Variants in CECR2 observed in about 807,000 individuals in gnomAD.
CECR2 encodes the protein CECR2 histone acetyl-lysine reader, also known as chromatin remodeling regulator CECR2.
A neutral mutation model predicts 154.5 loss-of-function variants in CECR2; 30 were observed. That is an observed-to-expected ratio of 0.19 (90% CI 0.15 to 0.26). The LOEUF (loss-of-function observed/expected upper bound fraction) is 0.26, where lower values mean the gene tolerates loss of function less well. Among genes scored for constraint, CECR2 ranks in the 10% least tolerant of loss-of-function variants. The probability of loss-of-function intolerance (pLI) is 1.00; values close to 1 mark genes in which losing one functional copy is unlikely to be tolerated. For synonymous variants in CECR2, 725 were observed against 683.7 expected (o/e 1.06, Z -0.94); for missense variants, 1,743 against 1,829.3 (o/e 0.95, Z 0.86).
At chr22:17,540,219 G>C (rs1018462178) in intron 13 of CECR2, among the ~76,000 whole-genome samples, 193 bp from the exon 14 acceptor site, 2 of 151,230 alleles carry the variant, frequency 1.3e-5, no homozygotes, top group Non-Finnish European at 3.0e-5. Flanking sequence ...TCTTCATCTT[G>C]CATCCATAGC....
At chr22:17,552,774 G>GTTTTTTTTTTTTTGTTTT (rs695569) in intron 18 of CECR2, 61 bp from the exon 19 acceptor site, 4 of 943,720 alleles carry the variant, frequency 4.2e-6, no homozygotes, top group Non-Finnish European at 5.9e-6. Flanking sequence ...GCTTACTTAA[G>GTTTTTTTTTTTTTGTTTT]TTTTTTTTTT....
At chr22:17,524,352 G>A in intron 9 of CECR2, 81 bp downstream of exon 9, 2 of 1,308,796 alleles carry the variant, frequency 1.5e-6, no homozygotes, top group East Asian at 2.9e-5. Flanking sequence ...CTCAAGCTAA[G>A]TCCTGCCATG....
rs537919768 is a variant in CECR2 at position 17,503,649 on chromosome 22, A to C, written c.700+518A>C. ...CTAGACTGTGAATATCTATCTTGTTAAATTCACAGTAGTTATATTTGTATT... is the reference window on the plus strand; with the variant it reads ...CTAGACTGTGAATATCTATCTTGTTCAATTCACAGTAGTTATATTTGTATT... On this transcript the variant is annotated intron_variant, in intron 6 of 18. Transcript: ENST00000262608. Among the ~76,000 whole-genome samples the C allele has an allele frequency of 1.2e-3, 185 of 152,346 alleles. 1 individual carries two copies. The highest frequency in any genetic ancestry group is 4.4e-3 in the African/African-American group (181 of 41,584).
intron 1 of CECR2, among the ~76,000 whole-genome samples, chr22:17,372,101 G>C (rs1431460286): frequency 6.6e-6 from 1 of 152,050 alleles, no homozygotes; most frequent in East Asian, 1.9e-4. Flanking sequence ...CTTTTTTGGG[G>C]CTAAAATACA....
At chr22:17,538,613 T>C (rs535010214) in intron 11 of CECR2, 27 bp from the exon 12 acceptor site, 1 of 1,613,590 alleles carries the variant, frequency 6.2e-7, no homozygotes, top group South Asian at 1.1e-5. Context: ...TCTGTGAGTG[T>C]GTTAAGATCT....
intron 1 of CECR2, among the ~76,000 whole-genome samples, chr22:17,436,133 T>C (rs528951267): frequency 5.9e-5 from 9 of 152,238 alleles, no homozygotes; most frequent in Admixed American, 5.9e-4. Context: ...TAATTTTTTA[T>C]ATTTTTAGTA....
intron 8 of CECR2, among the ~76,000 whole-genome samples, chr22:17,519,604 A>G (rs1251005572): frequency 6.6e-6 from 1 of 152,008 alleles, no homozygotes; most frequent in African/African-American, 2.4e-5. Context: ...TTCGTGTTCC[A>G]TTTGTTTGAG....
intron 2 of CECR2, among the ~76,000 whole-genome samples, chr22:17,489,744 A>G (rs1416822236): frequency 1.3e-5 from 2 of 152,152 alleles, no homozygotes; most frequent in Non-Finnish European, 2.9e-5. Flanking sequence ...AGGCGTGAGC[A>G]GCCATTCCAG....
chr22:17,427,751 CATGCTGATTGGTCCATTTTTACAGA>C (rs144101149), intron 1 of CECR2, among the ~76,000 whole-genome samples: 10,197 of 152,150 alleles, frequency 0.067, 934 homozygotes, highest in East Asian at 0.36. Context: ...CTGCCCATGT[CATGCTGATTGGTCCATTTTTACAGA>C]ATGCTGATTG....
chr22:17,497,073 C>T (rs1009655023), intron 2 of CECR2, among the ~76,000 whole-genome samples: 2 of 152,138 alleles, frequency 1.3e-5, no homozygotes, highest in African/African-American at 4.8e-5. Context: ...GCGGGCGGAT[C>T]GTGTGAGCCT....
chr22:17,402,783 G>T, intron 1 of CECR2, among the ~76,000 whole-genome samples: 1 of 105,512 alleles, frequency 9.5e-6, no homozygotes, highest in Non-Finnish European at 1.8e-5. Context: ...TGGAGACGTA[G>T]TTTCACTCTT....
intron 9 of CECR2, among the ~76,000 whole-genome samples, chr22:17,536,094 C>T (rs1037916623): frequency 7.2e-5 from 11 of 151,894 alleles, no homozygotes; most frequent in South Asian, 4.2e-4. Flanking sequence ...ACTAAAAATA[C>T]AAAATTAGCT....
chr22:17,401,835 C>CA (rs1161172571), intron 1 of CECR2, among the ~76,000 whole-genome samples: 3 of 141,630 alleles, frequency 2.1e-5, no homozygotes, highest in Admixed American at 1.4e-4. Flanking sequence ...AACACCCCCC[C>CA]CCGCCCCCGC....
chr22:17,513,323 G>A (rs910419575), intron 8 of CECR2, among the ~76,000 whole-genome samples: 2 of 152,218 alleles, frequency 1.3e-5, no homozygotes, highest in Non-Finnish European at 2.9e-5. Flanking sequence ...TTTGAGTTAA[G>A]GGACAGTAGT....
intron 2 of CECR2, among the ~76,000 whole-genome samples, chr22:17,481,049 T>TAA (rs572712907): frequency 1.5e-4 from 14 of 92,064 alleles, no homozygotes; most frequent in East Asian, 4.8e-4. Context: ...CTTTTTTTTT[T>TAA]AAAAAAAAAA....
At chr22:17,460,080 C>T in intron 1 of CECR2, among the ~76,000 whole-genome samples, 1 of 152,156 alleles carries the variant, frequency 6.6e-6, no homozygotes, top group African/African-American at 2.4e-5. Flanking sequence ...GCCTGGACTT[C>T]TTTATTTTTA....
At chr22:17,379,461 G>A (rs1334271120) in intron 1 of CECR2, among the ~76,000 whole-genome samples, 2 of 152,088 alleles carry the variant, frequency 1.3e-5, no homozygotes, top group Non-Finnish European at 2.9e-5. Context: ...GGGCTGGAGC[G>A]GCTGCCATTG....
intron 2 of CECR2, among the ~76,000 whole-genome samples, chr22:17,484,467 G>A (rs1330798180): frequency 1.3e-5 from 2 of 151,958 alleles, no homozygotes; most frequent in African/African-American, 4.8e-5. Context: ...AATCACTGAG[G>A]TTTGACTTTT....
At chr22:17,499,323 C>A (rs56141127) in intron 3 of CECR2, 87 bp from the exon 4 acceptor site, 236,491 of 1,471,564 alleles carry the variant, frequency 0.16, 20,588 homozygotes, top group Non-Finnish European at 0.18. Flanking sequence ...GTTATGCTTA[C>A]GTGTAAATTT....
Sources: gnomAD v4.1 joint callset for allele counts (sites outside exome capture counted in the v4.1 genomes callset) on GRCh38, gnomAD v4.1.1 for gene constraint, MANE v1.5 for transcripts, NCBI Gene and HGNC (gene_info 2026-07-23, HGNC 2026-07-21) for gene names.